The following ZNF521 variants were observed in gnomAD, a reference collection of about 807,000 sequenced individuals.
The protein encoded by ZNF521 is zinc finger protein 521, also known as LYST-interacting protein 3.
ZNF521 carries 14 observed loss-of-function variants against 105.5 expected under a neutral mutation model. The ratio of observed to expected loss-of-function variants is 0.13; its 90% CI spans 0.09 to 0.21. The LOEUF is 0.21. ZNF521 is among the 10% of genes least tolerant of loss of function. The pLI is 1.00. For missense variants in ZNF521, 1,233 were observed against 1,629.7 expected, an observed-to-expected ratio of 0.76 and a Z score of 4.19; for synonymous variants, 635 against 606.0, an observed-to-expected ratio of 1.05 and a Z score of -0.70.
intron 5 of ZNF521, among the ~76,000 whole-genome samples, chr18:25,113,954 CAG>C (rs2034252381): frequency 6.6e-6 from 1 of 151,462 alleles, no homozygotes; most frequent in African/African-American, 2.4e-5. Flanking sequence ...ATAAGGTAAA[CAG>C]TGTCCTGAAG....
intron 5 of ZNF521, among the ~76,000 whole-genome samples, chr18:25,121,488 C>G (rs1024901046): frequency 2.6e-5 from 4 of 151,764 alleles, no homozygotes; most frequent in African/African-American, 9.7e-5. Flanking sequence ...CCTGACCTTG[C>G]GATCTGCCCT....
rs183939419 is a variant in ZNF521, at chr18:25,297,865, A to G, written c.220+24143T>C. 1.8e-3 allele frequency among the ~76,000 whole-genome samples: 267 copies of G among 152,270 alleles called. 2 individuals are homozygous for G. Among genetic ancestry groups the G allele is most frequent in the African/African-American group, 5.9e-3 (245 of 41,558 alleles). On this transcript the variant is annotated intron_variant, in intron 3 of 7. Transcript: ENST00000361524. ...CTTTTTATTATAACAATCTTCATAA[A>G]TCCTTAGAAATCCTAGTACAGAAAT...
intron 5 of ZNF521, among the ~76,000 whole-genome samples, chr18:25,112,176 GCATACATATCTGCATA>G (rs1343959567): frequency 6.6e-6 from 1 of 152,154 alleles, no homozygotes; most frequent in Non-Finnish European, 1.5e-5. Flanking sequence ...ATAAGTGCAT[GCATACATATCTGCATA>G]CATACATACA....
intron 3 of ZNF521, among the ~76,000 whole-genome samples, chr18:25,301,759 G>T (rs1055709706): frequency 5.3e-5 from 8 of 152,160 alleles, no homozygotes; most frequent in African/African-American, 1.7e-4. Context: ...AAGATGGAGT[G>T]GGGGGTAAGG....
chr18:25,180,277 C>A (rs1272752579), intron 5 of ZNF521, among the ~76,000 whole-genome samples: 5 of 152,050 alleles, frequency 3.3e-5, no homozygotes, highest in Non-Finnish European at 5.9e-5. Flanking sequence ...GTCCTAAGCA[C>A]CCTGGACATA....
At chr18:25,129,441 A>G (rs2034600195) in intron 5 of ZNF521, among the ~76,000 whole-genome samples, 1 of 151,918 alleles carries the variant, frequency 6.6e-6, no homozygotes, top group Non-Finnish European at 1.5e-5. Flanking sequence ...ATTTTTAGAT[A>G]GAACACTAAA....
intron 4 of ZNF521, among the ~76,000 whole-genome samples, chr18:25,207,643 G>T (rs527819473): frequency 2.0e-5 from 3 of 152,306 alleles, no homozygotes; most frequent in African/African-American, 2.4e-5. Flanking sequence ...CTACACAGAA[G>T]TGAACTGATG....
intron 3 of ZNF521, among the ~76,000 whole-genome samples, chr18:25,309,205 C>T (rs1912158271): frequency 6.6e-6 from 1 of 152,180 alleles, no homozygotes; most frequent in Non-Finnish European, 1.5e-5. Context: ...TGCTTCATAA[C>T]CATCGCTTCA....
At chr18:25,120,293 T>C (rs1488526492) in intron 5 of ZNF521, among the ~76,000 whole-genome samples, 1 of 152,034 alleles carries the variant, frequency 6.6e-6, no homozygotes, top group Non-Finnish European at 1.5e-5. Context: ...ATAAAACTTG[T>C]AGGATCAGGC....
chr18:25,349,894 G>A (rs1914646284), intron 2 of ZNF521, among the ~76,000 whole-genome samples: 1 of 150,928 alleles, frequency 6.6e-6, no homozygotes, highest in South Asian at 2.1e-4. Context: ...TCCCCGTCCT[G>A]CCCGCGCGCC....
chr18:25,120,136 GA>G (rs1244455251), intron 5 of ZNF521, among the ~76,000 whole-genome samples: 1 of 152,180 alleles, frequency 6.6e-6, no homozygotes, highest in Non-Finnish European at 1.5e-5. Flanking sequence ...AAGGAAGGAA[GA>G]AAGGTAGACA....
chr18:25,306,454 C>G (rs991545765), intron 3 of ZNF521, among the ~76,000 whole-genome samples: 1 of 152,130 alleles, frequency 6.6e-6, no homozygotes, highest in Non-Finnish European at 1.5e-5. Context: ...TGGAGATGGA[C>G]CTTGGTATAT....
At chr18:25,293,203 A>G (rs149066980) in intron 3 of ZNF521, among the ~76,000 whole-genome samples, 55 of 152,324 alleles carry the variant, frequency 3.6e-4, no homozygotes, top group Admixed American at 1.5e-3. Flanking sequence ...AATCATACAT[A>G]TGATTCCACA....
intron 5 of ZNF521, among the ~76,000 whole-genome samples, chr18:25,140,283 T>C (rs1600084404): frequency 6.6e-6 from 1 of 152,034 alleles, no homozygotes; most frequent in Non-Finnish European, 1.5e-5. Context: ...GCAGCCAACA[T>C]GAAGAAAAGT....
Position 25,062,669 on chromosome 18 carries a change from TTTGTGCCACAAAA to T in ZNF521, c.*30_*42del. The T allele has an allele frequency of 6.3e-7, 1 of 1,583,782 alleles. No homozygotes were observed. Among genetic ancestry groups the T allele is most frequent in the Non-Finnish European group, 8.5e-7 (1 of 1,171,200 alleles). On this transcript the variant is annotated 3_prime_UTR_variant, in exon 8 of 8. Transcript: ENST00000361524. ...TGCAAAGAGTAAAACATGTTCCCTTTTTGTGCCACAAAATCAATTCTCCTTGAGAGACTGTACT... is the reference window on the plus strand; with the variant it reads ...TGCAAAGAGTAAAACATGTTCCCTTTTCAATTCTCCTTGAGAGACTGTACT...
chr18:25,305,146 C>A (rs2145085570), intron 3 of ZNF521, among the ~76,000 whole-genome samples: 1 of 152,272 alleles, frequency 6.6e-6, no homozygotes, highest in South Asian at 2.1e-4. Context: ...TAAATGAACT[C>A]ACTTAGACCA....
In ZNF521 at chr18:25,069,115, C is replaced by T. The variant is rs118073041; in HGVS notation, c.3907-6374G>A. On this transcript the variant is annotated intron_variant, in intron 7 of 7. Coordinates refer to ENST00000361524, the MANE Select transcript of ZNF521 (RefSeq NM_015461.3). ...TCTCTGGTTCGAATCAATATAAGTA[C>T]TATATCTTCTACATTAATCAATATA... 6.9e-3 allele frequency among the ~76,000 whole-genome samples: 1,056 copies of T among 152,250 alleles called. 11 individuals are homozygous for T. The highest frequency in any genetic ancestry group is 0.012 in the Non-Finnish European group (791 of 68,002).
chr18:25,139,328 A>ACAC (rs2034798106), intron 5 of ZNF521, among the ~76,000 whole-genome samples: 1 of 139,046 alleles, frequency 7.2e-6, no homozygotes, highest in Non-Finnish European at 1.5e-5. Context: ...AGCTGAGATC[A>ACAC]CACCACTGCA....
At chr18:25,068,677 T>C (rs2033137594) in intron 7 of ZNF521, among the ~76,000 whole-genome samples, 1 of 152,156 alleles carries the variant, frequency 6.6e-6, no homozygotes, top group African/African-American at 2.4e-5. Flanking sequence ...AAAATAAAGC[T>C]TTCTTTAAAT....
Sources: gnomAD v4.1 joint callset for allele counts (sites outside exome capture counted in the v4.1 genomes callset) on GRCh38, gnomAD v4.1.1 for gene constraint, MANE v1.5 for transcripts, NCBI Gene and HGNC (gene_info 2026-07-23, HGNC 2026-07-21) for gene names.